Variants in TRPM3 observed in about 807,000 individuals in gnomAD.
TRPM3 encodes the protein transient receptor potential cation channel subfamily M member 3.
In TRPM3, 77 loss-of-function variants were observed where a neutral mutation model predicts 181.2. The observed-to-expected ratio is 0.42, with a 90% confidence interval of 0.35 to 0.51. The LOEUF (loss-of-function observed/expected upper bound fraction) is 0.51, where lower values mean the gene tolerates loss of function less well. Among genes scored for constraint, TRPM3 ranks in the 20% least tolerant of loss-of-function variants. TRPM3 has a pLI of 0.01. For missense variants in TRPM3, 1,759 were observed against 2,196.7 expected (o/e 0.80, Z 3.98); for synonymous variants, 745 against 796.4 (o/e 0.94, Z 1.09).
At position 70,597,988 on chromosome 9, in the gene TRPM3, A is replaced by C. The variant is rs115694025; in HGVS notation, c.3048+431T>G. On this transcript the variant is annotated intron_variant, in intron 21 of 25. Coordinates refer to ENST00000677713, the MANE Select transcript of TRPM3 (RefSeq NM_001366145.2). ...CATTCCTTCTCCAACACCCAGCTAAAATGTAACCTCTGTGTGCTTTTTCTG... is the reference window on the plus strand; with the variant it reads ...CATTCCTTCTCCAACACCCAGCTAACATGTAACCTCTGTGTGCTTTTTCTG... 3.8e-3 allele frequency among the ~76,000 whole-genome samples: 586 copies of C among 152,240 alleles called. 1 individual carries two copies. Among genetic ancestry groups the C allele is most frequent in the African/African-American group, 0.013 (541 of 41,544 alleles).
intron 1 of TRPM3, among the ~76,000 whole-genome samples, chr9:71,268,504 T>C (rs892402109): frequency 6.6e-6 from 1 of 152,150 alleles, no homozygotes; most frequent in Non-Finnish European, 1.5e-5. Flanking sequence ...AGCCTGAATG[T>C]CCTAGCATGG....
chr9:71,262,116 C>T lies in TRPM3; in HGVS notation c.183+184537G>A, dbSNP rs566276114. ...AAGCTGCGCCCACAGCTGCCCCTTCCCCCGGGTGCTCTGTCCCAGGGAGAT... is the reference window on the plus strand; with the variant it reads ...AAGCTGCGCCCACAGCTGCCCCTTCTCCCGGGTGCTCTGTCCCAGGGAGAT... On this transcript the variant is annotated intron_variant, in intron 1 of 24. Coordinates refer to the TRPM3 transcript ENST00000357533. Among the ~76,000 whole-genome samples, 29 of 152,290 alleles carry T rather than the reference C, an allele frequency of 1.9e-4. 1 individual carries two copies. The highest frequency in any genetic ancestry group is 3.4e-3 in the Middle Eastern group (1 of 294).
intron 1 of TRPM3, among the ~76,000 whole-genome samples, chr9:70,901,432 T>C (rs963378363): frequency 1.3e-5 from 2 of 152,134 alleles, no homozygotes. Context: ...AAATTATTAA[T>C]ATAACAGTTA....
intron 1 of TRPM3, among the ~76,000 whole-genome samples, chr9:71,436,048 C>A (rs12685720): frequency 6.6e-6 from 1 of 151,992 alleles, no homozygotes; most frequent in Non-Finnish European, 1.5e-5. Context: ...AGGGATCCAG[C>A]GGGAGATAAT....
chr9:70,861,996 G>A (rs1156466384), intron 3 of TRPM3, among the ~76,000 whole-genome samples: 1 of 152,010 alleles, frequency 6.6e-6, no homozygotes, highest in East Asian at 1.9e-4. Context: ...TAAGAAAAGA[G>A]AAGAAAGAGG....
chr9:71,358,716 G>A (rs953941721), intron 1 of TRPM3, among the ~76,000 whole-genome samples: 1 of 152,164 alleles, frequency 6.6e-6, no homozygotes, highest in Non-Finnish European at 1.5e-5. Context: ...GGTGAAAGGA[G>A]GAGTCAACAA....
At chr9:70,558,263 A>G (rs1018075940) in intron 22 of TRPM3, among the ~76,000 whole-genome samples, 1 of 152,214 alleles carries the variant, frequency 6.6e-6, no homozygotes, top group African/African-American at 2.4e-5. Context: ...TTCTATAGTC[A>G]TAAAAACCAT....
intron 1 of TRPM3, among the ~76,000 whole-genome samples, chr9:71,017,017 A>C (rs1415246512): frequency 6.6e-6 from 1 of 152,136 alleles, no homozygotes; most frequent in Non-Finnish European, 1.5e-5. Flanking sequence ...TAAATGTAAG[A>C]TTCAGATTTA....
At position 70,598,401 on chromosome 9, in the gene TRPM3, T is replaced by C; in HGVS notation, c.3048+18A>G. 1 of 1,609,548 alleles carries C rather than the reference T, an allele frequency of 6.2e-7. No homozygotes were observed. Among genetic ancestry groups the C allele is most frequent in the Non-Finnish European group, 8.5e-7 (1 of 1,176,398 alleles). ...TCCTCTGAAAACTTATAACATGGAA[T>C]CAGAAGACCCTGCTTACCATTTTTC... On this transcript the variant is annotated intron_variant, in intron 21 of 25. Coordinates refer to ENST00000677713, the MANE Select transcript of TRPM3 (RefSeq NM_001366145.2).
chr9:71,371,460 T>C (rs111714307), intron 1 of TRPM3, among the ~76,000 whole-genome samples: 6 of 152,254 alleles, frequency 3.9e-5, no homozygotes, highest in African/African-American at 1.4e-4. Context: ...AAAGCATCAG[T>C]GGAGGAAGTA....
intron 3 of TRPM3, among the ~76,000 whole-genome samples, chr9:70,861,408 C>A (rs971634652): frequency 7.9e-5 from 12 of 152,124 alleles, no homozygotes; most frequent in African/African-American, 2.9e-4. Context: ...TAACTCTTAA[C>A]AGTGGAAATG....
chr9:70,767,079 C>T (rs1436858195), intron 7 of TRPM3, among the ~76,000 whole-genome samples: 1 of 152,254 alleles, frequency 6.6e-6, no homozygotes, highest in African/African-American at 2.4e-5. Flanking sequence ...TATTCCTTCT[C>T]ACGAAGTAGC....
At chr9:70,868,509 A>C (rs1349657697) in intron 1 of TRPM3, among the ~76,000 whole-genome samples, 1 of 152,060 alleles carries the variant, frequency 6.6e-6, no homozygotes, top group Non-Finnish European at 1.5e-5. Context: ...TTTGCTACAA[A>C]TGTTAGTCCC....
rs112840793 is a variant in TRPM3 at position 71,151,647 on chromosome 9, G to A, written c.184-287136C>T. ...CTCACCCATTAGTTCGATGACACGT[G>A]CACACAGATATTCTTTGCATCATTG... On this transcript the variant is annotated intron_variant, in intron 1 of 24. Coordinates refer to the TRPM3 transcript ENST00000357533. Among the ~76,000 whole-genome samples the A allele has an allele frequency of 6.4e-3, 969 of 152,076 alleles. 6 individuals are homozygous for A. The highest frequency in any genetic ancestry group is 0.037 in the Middle Eastern group (11 of 294).
rs1270275875 is a variant in TRPM3 at position 70,686,694 on chromosome 9, C to CTTCCTTCT, written c.1273-5117_1273-5116insAGAAGGAA. Among the ~76,000 whole-genome samples the CTTCCTTCT allele has an allele frequency of 1.8e-3, 109 of 59,794 alleles. 1 individual carries two copies. Among genetic ancestry groups the CTTCCTTCT allele is most frequent in the African/African-American group, 6.8e-3 (103 of 15,158 alleles). 39.2% of individuals were successfully genotyped at this position (59,794 alleles called of 152,430 possible). On this transcript the variant is annotated intron_variant, in intron 8 of 25. Transcript: ENST00000677713. ...TGGAAACTCCTTCCTTCTTTCCTTC[C>CTTCCTTCT]TTCCTTCCTTCCTTCCTTCCTTCCT... is the stretch of plus-strand genomic sequence containing the variant.
chr9:70,897,855 G>A (rs1328244354), intron 1 of TRPM3, among the ~76,000 whole-genome samples: 1 of 152,190 alleles, frequency 6.6e-6, no homozygotes, highest in East Asian at 1.9e-4. Flanking sequence ...AATAGCATTT[G>A]TGGTGAAGTT....
At chr9:71,159,006 C>T (rs1165675597) in intron 1 of TRPM3, among the ~76,000 whole-genome samples, 1 of 151,906 alleles carries the variant, frequency 6.6e-6, no homozygotes, top group Non-Finnish European at 1.5e-5. Flanking sequence ...GGCCCTCAAA[C>T]TATACCACTG....
chr9:70,838,055 T>C (rs1340522100), intron 5 of TRPM3, among the ~76,000 whole-genome samples: 1 of 152,204 alleles, frequency 6.6e-6, no homozygotes, highest in Non-Finnish European at 1.5e-5. Flanking sequence ...TTATTGTGGT[T>C]ATGCTCATAG....
At chr9:70,559,543 C>A (rs1244663726) in intron 22 of TRPM3, among the ~76,000 whole-genome samples, 1 of 152,132 alleles carries the variant, frequency 6.6e-6, no homozygotes, top group Non-Finnish European at 1.5e-5. Flanking sequence ...ACCAACAATA[C>A]CCCATCTTGC....
Sources: allele counts gnomAD v4.1 joint callset (sites outside exome capture counted in the v4.1 genomes callset), GRCh38; gene constraint gnomAD v4.1.1; transcripts MANE v1.5; gene names NCBI Gene and HGNC (gene_info 2026-07-23, HGNC 2026-07-21).